Variants in TMTC2 observed in about 807,000 individuals in gnomAD.
The protein encoded by TMTC2 is protein O-mannosyl-transferase TMTC2.
A neutral mutation model predicts 82.4 loss-of-function variants in TMTC2; 43 were observed. The ratio of observed to expected loss-of-function variants is 0.52; its 90% CI spans 0.41 to 0.67. The LOEUF is 0.67. Ranked by LOEUF, TMTC2 falls within the 30% of genes least tolerant of loss-of-function variation. The pLI is 0.00. For synonymous variants in TMTC2, 408 were observed against 381.9 expected (o/e 1.07, Z -0.80); for missense variants, 919 against 1,012.4 (o/e 0.91, Z 1.25).
intron 8 of TMTC2, among the ~76,000 whole-genome samples, chr12:83,005,566 C>G (rs1655592): frequency 0.78 from 119,011 of 152,034 alleles, 47,643 homozygotes; most frequent in South Asian, 0.93. Context: ...GGCTCTTACC[C>G]TGCTCCAACC....
chr12:83,063,725 G>A (rs1351353290), intron 11 of TMTC2, among the ~76,000 whole-genome samples: 2 of 151,870 alleles, frequency 1.3e-5, no homozygotes, highest in Non-Finnish European at 2.9e-5. Flanking sequence ...TATTTATTCA[G>A]TAATATTTAC....
At chr12:82,899,470 G>A (rs2137186396) in intron 3 of TMTC2, among the ~76,000 whole-genome samples, 1 of 150,140 alleles carries the variant, frequency 6.7e-6, no homozygotes, top group Admixed American at 6.7e-5. Flanking sequence ...CACCATCACT[G>A]TTGGCATCAT....
At chr12:82,924,195 A>G (rs757746629) in intron 3 of TMTC2, among the ~76,000 whole-genome samples, 1 of 152,198 alleles carries the variant, frequency 6.6e-6, no homozygotes, top group Admixed American at 6.5e-5. Flanking sequence ...GAACAGCTAC[A>G]CCATGGAGAA....
At chr12:83,046,973 G>T (rs1216562750) in intron 9 of TMTC2, among the ~76,000 whole-genome samples, 1 of 152,140 alleles carries the variant, frequency 6.6e-6, no homozygotes, top group Non-Finnish European at 1.5e-5. Context: ...TAACATTGTT[G>T]GAAACTGGTC....
At chr12:82,933,947 C>T (rs140582646) in intron 4 of TMTC2, among the ~76,000 whole-genome samples, 1 of 151,956 alleles carries the variant, frequency 6.6e-6, no homozygotes, top group South Asian at 2.1e-4. Context: ...AAATTATATC[C>T]AAGAGGTATA....
chr12:82,702,674 C>G (rs1021796953), intron 1 of TMTC2, among the ~76,000 whole-genome samples: 11 of 152,110 alleles, frequency 7.2e-5, no homozygotes, highest in Admixed American at 2.0e-4. Flanking sequence ...CACATGTAAT[C>G]TCATCACTTC....
At position 82,735,535 on chromosome 12, in the gene TMTC2, C is replaced by T. The variant is rs970624095; in HGVS notation, c.83+47866C>T. ...TAATTTTTTGTATTTTTAGTAGAGA[C>T]GAAGTTTCACTGTGTTAGCCAGGAT... On this transcript the variant is annotated intron_variant, in intron 1 of 11. Coordinates refer to ENST00000321196, the MANE Select transcript of TMTC2 (RefSeq NM_152588.3). Among the ~76,000 whole-genome samples, 391 of 151,884 alleles carry T rather than the reference C, an allele frequency of 2.6e-3. 2 individuals are homozygous for T. The highest frequency in any genetic ancestry group is 8.9e-3 in the African/African-American group (370 of 41,482).
chr12:82,895,588 AAAGAT>A (rs1187856597), intron 2 of TMTC2, among the ~76,000 whole-genome samples: 3 of 152,158 alleles, frequency 2.0e-5, no homozygotes, highest in Non-Finnish European at 4.4e-5. Flanking sequence ...AAAAATAAGA[AAAGAT>A]AATCAAAAAA....
intron 2 of TMTC2, among the ~76,000 whole-genome samples, chr12:82,881,679 C>T (rs1477451345): frequency 6.6e-6 from 1 of 152,196 alleles, no homozygotes; most frequent in Non-Finnish European, 1.5e-5. Flanking sequence ...ACATGAAATA[C>T]TCCACTAGCT....
intron 2 of TMTC2, among the ~76,000 whole-genome samples, chr12:82,887,131 C>T (rs1468168235): frequency 2.0e-5 from 3 of 152,110 alleles, no homozygotes; most frequent in Non-Finnish European, 4.4e-5. Context: ...GAGCCTTATG[C>T]TTAAGTAATT....
intron 1 of TMTC2, among the ~76,000 whole-genome samples, chr12:82,706,843 G>C (rs989498201): frequency 1.3e-5 from 2 of 152,090 alleles, no homozygotes; most frequent in African/African-American, 4.8e-5. Context: ...GAAGGGAGAT[G>C]GAAAGACGTG....
intron 1 of TMTC2, among the ~76,000 whole-genome samples, chr12:82,832,918 C>T (rs1034142466): frequency 6.6e-5 from 10 of 152,116 alleles, no homozygotes; most frequent in Admixed American, 2.6e-4. Flanking sequence ...TCCCACTTCC[C>T]GTGGAAATTT....
intron 4 of TMTC2, among the ~76,000 whole-genome samples, chr12:82,955,638 T>C (rs192098156): frequency 9.7e-4 from 148 of 152,282 alleles, no homozygotes; most frequent in African/African-American, 3.4e-3. Context: ...TTTTTCTTTT[T>C]TTAGTAACAT....
Position 83,132,463 on chromosome 12 carries a change from GC to G in TMTC2, c.*75del. ...TTAGCAGACAGAACTTCCCAGCAGT[GC>G]TATGACAAGAGCTGGTGTTAGACTT... On this transcript the variant is annotated 3_prime_UTR_variant, in exon 12 of 12. Transcript: ENST00000321196. 1 of 1,525,674 alleles carries G rather than the reference GC, an allele frequency of 6.6e-7. No homozygotes were observed. Among genetic ancestry groups the G allele is most frequent in the African/African-American group, 1.4e-5 (1 of 71,952 alleles). The allele number at this position is 1,525,674 out of a possible 1,614,324, so 94.5% of individuals were successfully genotyped here.
chr12:82,975,758 T>C (rs1340076963), intron 7 of TMTC2, among the ~76,000 whole-genome samples: 1 of 151,760 alleles, frequency 6.6e-6, no homozygotes, highest in African/African-American at 2.4e-5. Context: ...TTTTGACTCA[T>C]AGGAGAGTGC....
At chr12:83,104,474 C>T (rs1884331970) in intron 11 of TMTC2, among the ~76,000 whole-genome samples, 2 of 152,216 alleles carry the variant, frequency 1.3e-5, no homozygotes, top group African/African-American at 4.8e-5. Flanking sequence ...CTCTGCTTCC[C>T]TGCAGGCTTA....
At chr12:83,110,396 A>G (rs1186757204) in intron 11 of TMTC2, among the ~76,000 whole-genome samples, 3 of 152,168 alleles carry the variant, frequency 2.0e-5, no homozygotes, top group African/African-American at 7.2e-5. Context: ...TTGAAAAGCA[A>G]AAAACTTCTC....
chr12:82,780,878 G>A (rs1877871239), intron 1 of TMTC2, among the ~76,000 whole-genome samples: 1 of 151,880 alleles, frequency 6.6e-6, no homozygotes, highest in South Asian at 2.1e-4. Flanking sequence ...TTGCAGTGTG[G>A]TGTGGAAGAG....
At chr12:82,752,733 A>G (rs1230393311) in intron 1 of TMTC2, among the ~76,000 whole-genome samples, 1 of 151,938 alleles carries the variant, frequency 6.6e-6, no homozygotes, top group South Asian at 2.1e-4. Context: ...CAGAACTTTA[A>G]AGACAAATGT....
Sources: allele counts gnomAD v4.1 joint callset (sites outside exome capture counted in the v4.1 genomes callset), GRCh38; gene constraint gnomAD v4.1.1; transcripts MANE v1.5; gene names NCBI Gene and HGNC (gene_info 2026-07-23, HGNC 2026-07-21).